MAGI2: variants seen among roughly 807,000 people sequenced by gnomAD.
MAGI2 encodes the protein membrane associated guanylate kinase, WW and PDZ domain containing 2, also known as membrane-associated guanylate kinase, WW and PDZ domain-containing protein 2.
In MAGI2, 35 loss-of-function variants were observed where a neutral mutation model predicts 133.3. The ratio of observed to expected loss-of-function variants is 0.26; its 90% CI spans 0.20 to 0.35. The LOEUF is 0.35. Ranked by LOEUF, MAGI2 falls within the 10% of genes least tolerant of loss-of-function variation. The probability of loss-of-function intolerance (pLI) is 1.00; values close to 1 mark genes in which losing one functional copy is unlikely to be tolerated. For synonymous variants in MAGI2, 729 were observed against 710.6 expected (o/e 1.03, Z -0.41); for missense variants, 1,636 against 1,863.4 (o/e 0.88, Z 2.25).
chr7:78,446,095 T>C (rs936070399), intron 6 of MAGI2, among the ~76,000 whole-genome samples: 1 of 13,700 alleles, frequency 7.3e-5, no homozygotes, highest in Non-Finnish European at 3.9e-4. Context: ...TTTTAAAGAT[T>C]TTTTTTTAAA....
At chr7:78,458,317 A>C (rs1020429824) in intron 6 of MAGI2, among the ~76,000 whole-genome samples, 5 of 148,572 alleles carry the variant, frequency 3.4e-5, no homozygotes, top group African/African-American at 1.2e-4. Flanking sequence ...AAAGAATAAA[A>C]GAGTAAAATT....
intron 3 of MAGI2, among the ~76,000 whole-genome samples, chr7:78,551,915 T>G (rs1014608531): frequency 1.3e-5 from 2 of 152,106 alleles, no homozygotes; most frequent in African/African-American, 4.8e-5. Context: ...CAGCTAATTT[T>G]TGTATTTTTT....
At chr7:78,450,020 A>G (rs1186304121) in intron 6 of MAGI2, among the ~76,000 whole-genome samples, 1 of 152,102 alleles carries the variant, frequency 6.6e-6, no homozygotes, top group Non-Finnish European at 1.5e-5. Flanking sequence ...AATTATGAAC[A>G]TATTTGATTC....
At chr7:78,346,618 T>G (rs901389740) in intron 7 of MAGI2, among the ~76,000 whole-genome samples, 10 of 152,184 alleles carry the variant, frequency 6.6e-5, no homozygotes, top group African/African-American at 1.7e-4. Flanking sequence ...GAATTCATAT[T>G]CTACATGGTG....
At chr7:78,890,995 A>G (rs1796699780) in intron 2 of MAGI2, among the ~76,000 whole-genome samples, 1 of 152,180 alleles carries the variant, frequency 6.6e-6, no homozygotes. Flanking sequence ...AATAATAAAG[A>G]AGAAAAGAGA....
intron 1 of MAGI2, among the ~76,000 whole-genome samples, chr7:79,354,547 C>T (rs1338824974): frequency 6.6e-6 from 1 of 152,106 alleles, no homozygotes; most frequent in Non-Finnish European, 1.5e-5. Context: ...TCAACTCAGA[C>T]CAGCCCTGTA....
At chr7:78,112,053 C>T (rs1335787772) in intron 20 of MAGI2, among the ~76,000 whole-genome samples, 1 of 152,140 alleles carries the variant, frequency 6.6e-6, no homozygotes, top group Non-Finnish European at 1.5e-5. Context: ...CTTTTGATTT[C>T]ATCAACTTCC....
At chr7:79,151,997 AATCAAAAAGGG>A (rs956662049) in intron 1 of MAGI2, among the ~76,000 whole-genome samples, 3 of 152,288 alleles carry the variant, frequency 2.0e-5, no homozygotes, top group African/African-American at 7.2e-5. Context: ...GATGGGAGAC[AATCAAAAAGGG>A]ATAAATTAAG....
intron 9 of MAGI2, among the ~76,000 whole-genome samples, chr7:78,291,508 G>A (rs1484688622): frequency 6.6e-6 from 1 of 152,258 alleles, no homozygotes; most frequent in East Asian, 1.9e-4. Flanking sequence ...GAGGTACAAG[G>A]AGGAGCTGGT....
chr7:78,315,977 T>C (rs933648921), intron 9 of MAGI2, among the ~76,000 whole-genome samples: 3 of 152,206 alleles, frequency 2.0e-5, no homozygotes, highest in African/African-American at 7.2e-5. Flanking sequence ...CTTTTCATGA[T>C]GGAAGATTTG....
intron 1 of MAGI2, among the ~76,000 whole-genome samples, chr7:79,213,075 AG>A (rs1315129548): frequency 6.6e-6 from 1 of 151,874 alleles, no homozygotes; most frequent in Non-Finnish European, 1.5e-5. Flanking sequence ...GGGTGGATCG[AG>A]GGGAGCAATA....
chr7:78,160,128 G>C lies in MAGI2; in HGVS notation c.2742C>G (p.His914Gln). Residue 914 changes from histidine (H) to glutamine (Q), a missense_variant, in exon 16 of 22, where the codon CAC (histidine) becomes CAG (glutamine). Around this residue, in one of 5 missense-constraint regions of MAGI2, gnomAD observed 920 missense variants for 1,093.5 expected, o/e 0.84. Coordinates refer to ENST00000354212, the MANE Select transcript of MAGI2 (RefSeq NM_012301.4). ...NASPPEGFAS[H>Q]SLQTSDVVIH... ...TGACCACATCACTGGTCTGCAGGCT[G>C]TGGGAGGCGAAGCCTTCAGGGGGAG... is the stretch of plus-strand genomic sequence containing the variant. The C allele has an allele frequency of 6.2e-7, 1 of 1,612,198 alleles. No individual in the cohort carries two copies. Among genetic ancestry groups the C allele is most frequent in the Non-Finnish European group, 8.5e-7 (1 of 1,179,160 alleles).
At chr7:79,257,099 C>T (rs1230543163) in intron 1 of MAGI2, among the ~76,000 whole-genome samples, 1 of 151,936 alleles carries the variant, frequency 6.6e-6, no homozygotes, top group Non-Finnish European at 1.5e-5. Flanking sequence ...TACAGTTAGC[C>T]ATTCTACTAT....
chr7:78,190,998 CA>C (rs2150726069), intron 12 of MAGI2, among the ~76,000 whole-genome samples: 1 of 152,282 alleles, frequency 6.6e-6, no homozygotes, highest in African/African-American at 2.4e-5. Context: ...TTATCACATA[CA>C]GAATAGTCAC....
chr7:78,348,712 T>G (rs982805789), intron 7 of MAGI2, among the ~76,000 whole-genome samples: 2 of 152,212 alleles, frequency 1.3e-5, no homozygotes, highest in African/African-American at 2.4e-5. Flanking sequence ...AATTAAGTTA[T>G]TATTCACTAT....
intron 20 of MAGI2, among the ~76,000 whole-genome samples, chr7:78,119,445 CAG>C (rs1820202215): frequency 6.6e-6 from 1 of 151,138 alleles, no homozygotes; most frequent in Non-Finnish European, 1.5e-5. Flanking sequence ...CCTGCAGTCC[CAG>C]CCACTTGGGA....
At chr7:79,117,833 G>A (rs142181078) in intron 1 of MAGI2, among the ~76,000 whole-genome samples, 10 of 152,222 alleles carry the variant, frequency 6.6e-5, no homozygotes, top group East Asian at 5.8e-4. Context: ...AGTAGTTAGC[G>A]GGGTGTACAC....
Position 78,531,887 on chromosome 7 carries a change from T to C in MAGI2, c.539-10242A>G, listed in dbSNP as rs183093292. On this transcript the variant is annotated intron_variant, in intron 3 of 21. Coordinates refer to ENST00000354212, the MANE Select transcript of MAGI2 (RefSeq NM_012301.4). ...AAATTTCTGATTAATTTTAATTTGA[T>C]TGTTGGTTAATGATTAAAGGAATTT... is the stretch of plus-strand genomic sequence containing the variant. 5.8e-4 allele frequency among the ~76,000 whole-genome samples: 89 copies of C among 152,342 alleles called. 1 individual carries two copies. Among genetic ancestry groups the C allele is most frequent in the African/African-American group, 2.0e-3 (83 of 41,578 alleles).
At chr7:78,737,904 T>A (rs1053725488) in intron 2 of MAGI2, among the ~76,000 whole-genome samples, 1 of 152,220 alleles carries the variant, frequency 6.6e-6, no homozygotes, top group East Asian at 1.9e-4. Context: ...CATTTGAGAA[T>A]GGCTATCACT....
Sources: allele counts gnomAD v4.1 joint callset (sites outside exome capture counted in the v4.1 genomes callset), GRCh38; gene constraint gnomAD v4.1.1; regional missense constraint gnomAD v4.1.1; transcripts MANE v1.5; gene names NCBI Gene and HGNC (gene_info 2026-07-23, HGNC 2026-07-21).